Variants in UBE2E1 observed in about 807,000 individuals in gnomAD.
UBE2E1 encodes ubiquitin conjugating enzyme E2 E1, also known as ubiquitin-conjugating enzyme E2 E1.
A neutral mutation model predicts 21.4 loss-of-function variants in UBE2E1; 6 were observed. That is an observed-to-expected ratio of 0.28 (90% CI 0.15 to 0.55). The LOEUF (loss-of-function observed/expected upper bound fraction) is 0.55, where lower values mean the gene tolerates loss of function less well. UBE2E1 is among the 20% of genes least tolerant of loss of function. The pLI is 0.93. For missense variants in UBE2E1, 142 were observed against 236.5 expected (o/e 0.60, Z 2.62); for synonymous variants, 87 against 82.7 (o/e 1.05, Z -0.28).
chr3:23,869,726 A>C (rs1392599243), intron 3 of UBE2E1, among the ~76,000 whole-genome samples: 155 of 2,894 alleles, frequency 0.054, 2 homozygotes, highest in Non-Finnish European at 0.14. Flanking sequence ...CCCTGTGTCA[A>C]AAAAAAAAAA....
intron 3 of UBE2E1, among the ~76,000 whole-genome samples, chr3:23,855,089 G>A (rs1382054475): frequency 2.0e-5 from 3 of 152,164 alleles, no homozygotes; most frequent in Non-Finnish European, 4.4e-5. Context: ...TCAGGGATGT[G>A]TTTAATCCAA....
chr3:23,817,988 G>A (rs1395257862), intron 3 of UBE2E1, among the ~76,000 whole-genome samples: 3 of 152,186 alleles, frequency 2.0e-5, no homozygotes, highest in African/African-American at 4.8e-5. Flanking sequence ...GGAACCAGGA[G>A]ACTTGGAGAT....
At chr3:23,871,977 T>C (rs7646917) in intron 3 of UBE2E1, among the ~76,000 whole-genome samples, 114,043 of 150,752 alleles carry the variant, frequency 0.76, 43,526 homozygotes, top group African/African-American at 0.81. Flanking sequence ...GGGTGGCGGC[T>C]GGGCAGAGGC....
rs181857373 is a variant in UBE2E1, at chr3:23,823,503, A to G, written c.203+11993A>G. On this transcript the variant is annotated intron_variant, in intron 3 of 5. Coordinates refer to ENST00000306627, the MANE Select transcript of UBE2E1 (RefSeq NM_003341.5). This position sits in a 1 kb window ranked among gnomAD's most constrained non-coding sequence, Gnocchi z 4.2. ...AGTAATTTAAATTGTTCCTACTACC[A>G]CTTACAACCTTTCCTCCTCTATGGG... Among the ~76,000 whole-genome samples the G allele has an allele frequency of 2.4e-3, 365 of 152,342 alleles. 1 individual carries two copies. The highest frequency in any genetic ancestry group is 8.6e-3 in the African/African-American group (358 of 41,568).
intron 3 of UBE2E1, among the ~76,000 whole-genome samples, chr3:23,851,100 TTGTTTG>T (rs1195660331): frequency 6.6e-6 from 1 of 152,176 alleles, no homozygotes; most frequent in Non-Finnish European, 1.5e-5. Context: ...TTTCATTTTT[TTGTTTG>T]TGGCTATTCT....
intron 3 of UBE2E1, among the ~76,000 whole-genome samples, chr3:23,835,730 C>G (rs1214202613): frequency 6.6e-6 from 1 of 152,174 alleles, no homozygotes; most frequent in African/African-American, 2.4e-5. Flanking sequence ...CCCTCCTCCC[C>G]CCTTTTTTTA....
chr3:23,845,589 C>CTCTCTCTCTCTCTCTATG, intron 3 of UBE2E1, among the ~76,000 whole-genome samples: 1 of 121,358 alleles, frequency 8.2e-6, no homozygotes, highest in South Asian at 3.2e-4. Context: ...CTCTCTCTCT[C>CTCTCTCTCTCTCTCTATG]TGTGTGTGTG....
rs1283074205 is a variant in UBE2E1 at position 23,842,471 on chromosome 3, T to C, written c.203+30961T>C. ...CATGTTGCCCGGCCTGTTGTTCGTT[T>C]TTCTTTGAAGAATATACCTTTTTAT... On this transcript the variant is annotated intron_variant, in intron 3 of 5. Coordinates refer to ENST00000306627, the MANE Select transcript of UBE2E1 (RefSeq NM_003341.5). The surrounding 1 kb of genome is among the most constrained non-coding windows in gnomAD (Gnocchi z 4.6). Among the ~76,000 whole-genome samples the C allele has an allele frequency of 6.6e-6, 1 of 152,176 alleles. No homozygotes were observed. Among genetic ancestry groups the C allele is most frequent in the Non-Finnish European group, 1.5e-5 (1 of 68,040 alleles).
chr3:23,811,260 G>A (rs1304812479), intron 2 of UBE2E1, among the ~76,000 whole-genome samples, 200 bp from the exon 3 acceptor site: 1 of 152,216 alleles, frequency 6.6e-6, no homozygotes, highest in Non-Finnish European at 1.5e-5. Context: ...GAGAACAGGA[G>A]ATTCCAGGCT....
chr3:23,889,657 G>A (rs1437748394), intron 5 of UBE2E1: 1 of 985,256 alleles, frequency 1.0e-6, no homozygotes. Flanking sequence ...GTGTCCCATA[G>A]CTGGTCACTG....
intron 3 of UBE2E1, among the ~76,000 whole-genome samples, chr3:23,826,124 A>T (rs571161381): frequency 3.9e-5 from 6 of 152,216 alleles, no homozygotes; most frequent in Non-Finnish European, 7.3e-5. Flanking sequence ...ATACTCTGTA[A>T]AACTTTTTTG....
intron 5 of UBE2E1, 43 bp downstream of exon 5, chr3:23,889,302 T>C: frequency 6.2e-7 from 1 of 1,611,804 alleles, no homozygotes; most frequent in South Asian, 1.1e-5. Context: ...CTTCCTTACC[T>C]GAAAAATACT....
At chr3:23,833,716 G>A (rs1410372043) in intron 3 of UBE2E1, among the ~76,000 whole-genome samples, 2 of 152,246 alleles carry the variant, frequency 1.3e-5, no homozygotes, top group East Asian at 1.9e-4. Flanking sequence ...GCCAAAAGTG[G>A]CTGGGCGTGA....
chr3:23,860,450 C>G (rs980932051), intron 3 of UBE2E1, among the ~76,000 whole-genome samples: 1 of 152,138 alleles, frequency 6.6e-6, no homozygotes, highest in Non-Finnish European at 1.5e-5. Context: ...TCAACAATGA[C>G]TTTAGTTAAC....
chr3:23,828,419 A>G (rs1028765837), intron 3 of UBE2E1, among the ~76,000 whole-genome samples: 1 of 152,256 alleles, frequency 6.6e-6, no homozygotes, highest in African/African-American at 2.4e-5. Flanking sequence ...GATACACAGT[A>G]TACTTAGTGA....
In UBE2E1 at chr3:23,876,150, C is replaced by A. The variant is rs1253216840; in HGVS notation, c.204-11417C>A. On this transcript the variant is annotated intron_variant, in intron 3 of 5. Coordinates refer to ENST00000306627, the MANE Select transcript of UBE2E1 (RefSeq NM_003341.5). This position sits in a 1 kb window ranked among gnomAD's most constrained non-coding sequence, Gnocchi z 4.3. ...TGGCTCTAGGTCTGCAAGTTCTTTC[C>A]AAGGGATAGTTAACCTGAATGGTAC... 6.6e-6 allele frequency among the ~76,000 whole-genome samples: 1 copy of A among 152,132 alleles called. No homozygotes were observed. Among genetic ancestry groups the A allele is most frequent in the African/African-American group, 2.4e-5 (1 of 41,426 alleles).
At chr3:23,841,256 G>A (rs1700078499) in intron 3 of UBE2E1, among the ~76,000 whole-genome samples, 1 of 152,174 alleles carries the variant, frequency 6.6e-6, no homozygotes, top group African/African-American at 2.4e-5. Context: ...TGCTATAAAT[G>A]GGTAAGAGTT....
chr3:23,814,844 T>C (rs1699479528), intron 3 of UBE2E1, among the ~76,000 whole-genome samples: 1 of 152,212 alleles, frequency 6.6e-6, no homozygotes, highest in African/African-American at 2.4e-5. Flanking sequence ...ACTTCAGATT[T>C]TATTTAATGG....
At chr3:23,884,727 C>T (rs757438153) in intron 3 of UBE2E1, among the ~76,000 whole-genome samples, 70 of 152,230 alleles carry the variant, frequency 4.6e-4, no homozygotes, top group Middle Eastern at 6.8e-3. Context: ...ATGAACAGTA[C>T]GACTCCTGCC....
Sources: allele counts gnomAD v4.1 joint callset (sites outside exome capture counted in the v4.1 genomes callset), GRCh38; gene constraint gnomAD v4.1.1; non-coding constraint Gnocchi (gnomAD v3.1); transcripts MANE v1.5; gene names NCBI Gene and HGNC (gene_info 2026-07-23, HGNC 2026-07-21).